Variants in CIMIP6 observed in about 807,000 individuals in gnomAD.
CIMIP6 encodes the protein ciliary microtubule inner protein 6, also known as uncharacterized protein C2orf73.
chr2:54,360,626 G>C, the CIMIP6 span: 1 of 1,400,316 alleles, frequency 7.1e-7, no homozygotes, highest in Non-Finnish European at 9.4e-7. Context: ...TCATCATCTT[G>C]GCCCTCACAT....
the CIMIP6 span, among the ~76,000 whole-genome samples, chr2:54,379,834 G>A: frequency 4.0e-5 from 6 of 151,448 alleles, no homozygotes; most frequent in South Asian, 4.2e-4. Context: ...AAAGGAAGCC[G>A]AGCATGGTGG....
the CIMIP6 span, among the ~76,000 whole-genome samples, chr2:54,373,185 TGAA>T: frequency 2.0e-5 from 3 of 152,192 alleles, no homozygotes; most frequent in East Asian, 1.9e-4. Context: ...CATGGCTGCT[TGAA>T]GGAGTGACAC....
the CIMIP6 span, among the ~76,000 whole-genome samples, chr2:54,341,183 C>T: frequency 6.6e-6 from 1 of 152,176 alleles, no homozygotes; most frequent in African/African-American, 2.4e-5. Flanking sequence ...TGTTTGTCCC[C>T]TCCAAACTCA....
the CIMIP6 span, among the ~76,000 whole-genome samples, chr2:54,353,862 G>GT: frequency 6.6e-6 from 1 of 152,032 alleles, no homozygotes; most frequent in Non-Finnish European, 1.5e-5. Flanking sequence ...GTTCTCCTAT[G>GT]TTTTTTAATA....
the CIMIP6 span, among the ~76,000 whole-genome samples, chr2:54,336,028 A>C: frequency 1.3e-5 from 2 of 152,188 alleles, no homozygotes; most frequent in Admixed American, 6.5e-5. Flanking sequence ...TCACATCTGC[A>C]AAGTCCCTTT....
chr2:54,359,014 C>T, the CIMIP6 span: 11 of 1,557,106 alleles, frequency 7.1e-6, no homozygotes, highest in South Asian at 1.2e-4. Flanking sequence ...TTATAGAATA[C>T]ATCTCTTTTA....
the CIMIP6 span, among the ~76,000 whole-genome samples, chr2:54,351,522 GA>G: frequency 0.015 from 2,260 of 152,108 alleles, 63 homozygotes; most frequent in African/African-American, 0.052. Context: ...ACTAACGCAG[GA>G]ACAAAAAAAC....
the CIMIP6 span, among the ~76,000 whole-genome samples, chr2:54,361,855 G>C: frequency 6.6e-6 from 1 of 152,128 alleles, no homozygotes; most frequent in South Asian, 2.1e-4. Flanking sequence ...ATCCTCATTG[G>C]AACAGGGATG....
the CIMIP6 span, among the ~76,000 whole-genome samples, chr2:54,334,590 A>G: frequency 6.6e-6 from 1 of 152,216 alleles, no homozygotes; most frequent in Non-Finnish European, 1.5e-5. Context: ...CTGCACTGGT[A>G]TATTATAATG....
the CIMIP6 span, among the ~76,000 whole-genome samples, chr2:54,362,126 A>G: frequency 6.6e-6 from 1 of 152,200 alleles, no homozygotes; most frequent in African/African-American, 2.4e-5. Context: ...AAACCAAAAA[A>G]TTCCTCTAGT....
the CIMIP6 span, among the ~76,000 whole-genome samples, chr2:54,352,327 T>C: frequency 6.6e-6 from 1 of 152,204 alleles, no homozygotes; most frequent in African/African-American, 2.4e-5. Flanking sequence ...GAAGCCACTC[T>C]ATAACCAGTC....
chr2:54,330,889 C>T, the CIMIP6 span: 8 of 1,345,592 alleles, frequency 5.9e-6, no homozygotes, highest in Admixed American at 5.4e-5. Flanking sequence ...GAGTCACAGT[C>T]GCCGCGCTTT....
At chr2:54,377,137 C>T in the CIMIP6 span, among the ~76,000 whole-genome samples, 11 of 152,234 alleles carry the variant, frequency 7.2e-5, no homozygotes, top group South Asian at 4.1e-4. Flanking sequence ...AGGGAATTTA[C>T]GGCTCGTGTC....
the CIMIP6 span, among the ~76,000 whole-genome samples, chr2:54,349,925 C>T: frequency 1.3e-5 from 2 of 151,618 alleles, no homozygotes; most frequent in African/African-American, 4.8e-5. Context: ...TCTCGGCTCA[C>T]TGCAACCTCT....
the CIMIP6 span, among the ~76,000 whole-genome samples, chr2:54,358,505 G>A: frequency 1.3e-5 from 2 of 151,758 alleles, no homozygotes; most frequent in African/African-American, 2.4e-5. Context: ...GGGCTCAAGC[G>A]ATCCTCCCAC....
chr2:54,345,351 G>A, the CIMIP6 span, among the ~76,000 whole-genome samples: 1,889 of 152,164 alleles, frequency 0.012, 46 homozygotes, highest in African/African-American at 0.043. Context: ...GGAAGATAAG[G>A]GTGAGTTTAA....
the CIMIP6 span, chr2:54,360,077 T>C: frequency 8.2e-7 from 1 of 1,212,190 alleles, no homozygotes; most frequent in Non-Finnish European, 1.1e-6. Context: ...GTGACACCAA[T>C]GAAGAGGCAG....
the CIMIP6 span, among the ~76,000 whole-genome samples, chr2:54,368,342 G>C: frequency 6.6e-6 from 1 of 151,696 alleles, no homozygotes; most frequent in African/African-American, 2.4e-5. Context: ...TTTGTGTACA[G>C]TAATTCTTAT....
At chr2:54,377,153 A>G in the CIMIP6 span, among the ~76,000 whole-genome samples, 1 of 151,872 alleles carries the variant, frequency 6.6e-6, no homozygotes, top group Admixed American at 6.6e-5. Flanking sequence ...GTGTCTGCAT[A>G]CTCTCCATGG....
Sources: gnomAD v4.1 joint callset for allele counts (sites outside exome capture counted in the v4.1 genomes callset) on GRCh38, gnomAD v4.1.1 for gene constraint, MANE v1.5 for transcripts, NCBI Gene and HGNC (gene_info 2026-07-23, HGNC 2026-07-21) for gene names.